AGPAT4: variants seen among roughly 807,000 people sequenced by gnomAD.
AGPAT4 encodes the protein 1-acylglycerol-3-phosphate O-acyltransferase 4, also known as 1-acyl-sn-glycerol-3-phosphate acyltransferase delta.
Under a neutral mutation model 48.0 loss-of-function variants are expected in AGPAT4, and 15 were observed. The ratio of observed to expected loss-of-function variants is 0.31; its 90% CI spans 0.21 to 0.48. The LOEUF is 0.48. Among genes scored for constraint, AGPAT4 ranks in the 20% least tolerant of loss-of-function variants. The pLI, the probability that AGPAT4 is intolerant of heterozygous loss-of-function variation, is 0.99. For missense variants in AGPAT4, 314 were observed against 482.5 expected (o/e 0.65, Z 3.27); for synonymous variants, 178 against 198.7 (o/e 0.90, Z 0.88).
chr6:161,227,961 A>C (rs1782027478), intron 2 of AGPAT4, among the ~76,000 whole-genome samples: 1 of 152,192 alleles, frequency 6.6e-6, no homozygotes, highest in South Asian at 2.1e-4. Context: ...AATCTTGGTC[A>C]ACTCTATTCC....
intron 2 of AGPAT4, among the ~76,000 whole-genome samples, chr6:161,193,522 C>T (rs1399620570): frequency 1.3e-5 from 2 of 152,202 alleles, no homozygotes; most frequent in African/African-American, 4.8e-5. Context: ...TTTTCAGAGA[C>T]TTTTATTATC....
At chr6:161,185,785 C>G (rs1284180450) in intron 2 of AGPAT4, among the ~76,000 whole-genome samples, 1 of 152,192 alleles carries the variant, frequency 6.6e-6, no homozygotes, top group African/African-American at 2.4e-5. Flanking sequence ...TCTTCTCTAG[C>G]AGCAGCCGGA....
rs1366402037 is a variant in AGPAT4, at chr6:161,143,004, A to G, written c.844-3384T>C. 6.6e-6 allele frequency among the ~76,000 whole-genome samples: 1 copy of G among 152,200 alleles called. No individual in the cohort carries two copies. The highest frequency in any genetic ancestry group is 2.4e-5 in the African/African-American group (1 of 41,466). ...CACGGGCCACCATGCCTGCACCCTGAACTCTGCACCCCACCCAGAGCTGCT... is the reference window on the plus strand; with the variant it reads ...CACGGGCCACCATGCCTGCACCCTGGACTCTGCACCCCACCCAGAGCTGCT... On this transcript the variant is annotated intron_variant, in intron 7 of 8. Transcript: ENST00000320285. The surrounding 1 kb of genome is among the most constrained non-coding windows in gnomAD (Gnocchi z 4.7).
At chr6:161,237,852 G>A (rs1239816801) in intron 1 of AGPAT4, among the ~76,000 whole-genome samples, 2 of 152,056 alleles carry the variant, frequency 1.3e-5, no homozygotes, top group Non-Finnish European at 1.5e-5. Flanking sequence ...GGCAGATGAT[G>A]GGCATATGCC....
rs986746606 is a variant in AGPAT4, at chr6:161,219,499, G to C, written c.178+12537C>G. Among the ~76,000 whole-genome samples the C allele has an allele frequency of 6.6e-6, 1 of 151,838 alleles. No individual in the cohort carries two copies. The highest frequency in any genetic ancestry group is 2.1e-4 in the South Asian group (1 of 4,800). On this transcript the variant is annotated intron_variant, in intron 2 of 8. Transcript: ENST00000320285. The surrounding 1 kb of genome is among the most constrained non-coding windows in gnomAD (Gnocchi z 4.9). ...CCACTGCACCATGAAGACCACACAC[G>C]ATCGCCTTATAACCTTACAAGACAC...
chr6:161,162,552 G>A (rs893263482), intron 3 of AGPAT4, among the ~76,000 whole-genome samples: 3 of 152,146 alleles, frequency 2.0e-5, no homozygotes, highest in Non-Finnish European at 2.9e-5. Context: ...AGCCCCTCCC[G>A]AGAGACCCTG....
intron 1 of AGPAT4, among the ~76,000 whole-genome samples, chr6:161,241,483 A>G (rs1782488872): frequency 6.6e-6 from 1 of 152,142 alleles, no homozygotes; most frequent in Non-Finnish European, 1.5e-5. Flanking sequence ...CCACTCTTGC[A>G]TGATAAAAAG....
At chr6:161,239,064 C>G (rs973435223) in intron 1 of AGPAT4, among the ~76,000 whole-genome samples, 1 of 152,160 alleles carries the variant, frequency 6.6e-6, no homozygotes, top group African/African-American at 2.4e-5. Context: ...GACAAACGCT[C>G]TCACTCTAGC....
intron 1 of AGPAT4, among the ~76,000 whole-genome samples, chr6:161,256,302 C>T (rs747612252): frequency 6.6e-5 from 10 of 152,170 alleles, no homozygotes; most frequent in Admixed American, 2.6e-4. Context: ...GAAATCAACC[C>T]CAGGCACGCA....
Position 161,142,248 on chromosome 6 carries a change from C to T in AGPAT4, c.844-2628G>A, listed in dbSNP as rs1170750777. Among the ~76,000 whole-genome samples the T allele has an allele frequency of 6.6e-6, 1 of 152,222 alleles. No homozygotes were observed. Among genetic ancestry groups the T allele is most frequent in the Non-Finnish European group, 1.5e-5 (1 of 68,032 alleles). ...GCCCATGACATTGCCACAGGACCTC[C>T]CACTGACTATCGGGGAGAGAACAGC... On this transcript the variant is annotated intron_variant, in intron 7 of 8. Coordinates refer to ENST00000320285, the MANE Select transcript of AGPAT4 (RefSeq NM_020133.3). This position sits in a 1 kb window ranked among gnomAD's most constrained non-coding sequence, Gnocchi z 6.4.
intron 2 of AGPAT4, among the ~76,000 whole-genome samples, chr6:161,190,934 A>C (rs557972719): frequency 6.6e-6 from 1 of 152,224 alleles, no homozygotes; most frequent in South Asian, 2.1e-4. Context: ...ATATATCCAG[A>C]TGTCCAGAGG....
At position 161,159,897 on chromosome 6, in the gene AGPAT4, G is replaced by A. The variant is rs1433760944; in HGVS notation, c.349-5587C>T. On this transcript the variant is annotated intron_variant, in intron 3 of 8. Transcript: ENST00000320285. The surrounding 1 kb of genome is among the most constrained non-coding windows in gnomAD (Gnocchi z 4.1). ...TGACCTTCAGGTCTCCCAAAGTGCT[G>A]GGATGGGATTACAGGTGTGAGCCAC... 1.3e-5 allele frequency among the ~76,000 whole-genome samples: 2 copies of A among 150,976 alleles called. No individual in the cohort carries two copies. The highest frequency in any genetic ancestry group is 2.1e-4 in the South Asian group (1 of 4,804).
rs1367010026 is a variant in AGPAT4, at chr6:161,272,912, C to T, written c.-90+1026G>A. Among the ~76,000 whole-genome samples the T allele has an allele frequency of 2.6e-5, 4 of 152,190 alleles. No homozygotes were observed. Among genetic ancestry groups the T allele is most frequent in the Non-Finnish European group, 5.9e-5 (4 of 68,046 alleles). On this transcript the variant is annotated intron_variant, in intron 1 of 8. Coordinates refer to ENST00000320285, the MANE Select transcript of AGPAT4 (RefSeq NM_020133.3). This position sits in a 1 kb window ranked among gnomAD's most constrained non-coding sequence, Gnocchi z 4.2. ...TGCACGAAAACGAAAAACGGAGAAT[C>T]CTGCCCGGCAGTTAATTTGTTACTC...
rs1183382017 is a variant in AGPAT4 at position 161,215,828 on chromosome 6, C to T, written c.178+16208G>A. Among the ~76,000 whole-genome samples the T allele has an allele frequency of 6.6e-6, 1 of 152,094 alleles. No individual in the cohort carries two copies. Among genetic ancestry groups the T allele is most frequent in the Non-Finnish European group, 1.5e-5 (1 of 68,024 alleles). ...ATTTCTCCTTTTTAGGTAGATATAC[C>T]CATTATTTTATTCGTAATACAGCAT... On this transcript the variant is annotated intron_variant, in intron 2 of 8. Coordinates refer to ENST00000320285, the MANE Select transcript of AGPAT4 (RefSeq NM_020133.3). The surrounding 1 kb of genome is among the most constrained non-coding windows in gnomAD (Gnocchi z 4.5).
At chr6:161,153,951 A>G (rs1042926976) in intron 4 of AGPAT4, 198 bp downstream of exon 4, 33 of 665,522 alleles carry the variant, frequency 5.0e-5, no homozygotes, top group East Asian at 4.8e-4. Flanking sequence ...ACGGCCCCAC[A>G]GTCATACGTG....
chr6:161,191,135 T>C (rs113219482), intron 2 of AGPAT4, among the ~76,000 whole-genome samples: 1 of 152,190 alleles, frequency 6.6e-6, no homozygotes, highest in African/African-American at 2.4e-5. Context: ...CCACACCTAG[T>C]GACAAATGGT....
chr6:161,170,425 T>A (rs574030163), intron 2 of AGPAT4, among the ~76,000 whole-genome samples: 1 of 151,992 alleles, frequency 6.6e-6, no homozygotes, highest in East Asian at 1.9e-4. Flanking sequence ...GTCTTATAGT[T>A]TTTTCCCCTA....
chr6:161,154,004 A>G lies in AGPAT4; in HGVS notation c.510+145T>C. 1 of 1,061,766 alleles carries G rather than the reference A, an allele frequency of 9.4e-7. No homozygotes were observed. The highest frequency in any genetic ancestry group is 1.4e-6 in the Non-Finnish European group (1 of 721,404). The allele number at this position is 1,061,766 out of a possible 1,614,324, so 65.8% of individuals were successfully genotyped here. On this transcript the variant is annotated intron_variant, in intron 4 of 8. Coordinates refer to ENST00000320285, the MANE Select transcript of AGPAT4 (RefSeq NM_020133.3). This position sits in a 1 kb window ranked among gnomAD's most constrained non-coding sequence, Gnocchi z 7.8. ...GGCCCCATGGTCACATACATCCCTG[A>G]GGTTATACACAGCCCTATGGTCACA...
rs139732317 is a variant in AGPAT4, at chr6:161,149,236, G to C, written c.718C>G (p.Leu240Val). The C allele has an allele frequency of 1.2e-6, 2 of 1,613,390 alleles. No homozygotes were observed. The change falls in exon 6 of 9, where the codon CTG (leucine) becomes GTG (valine). Residue 240 changes from leucine to valine, a missense_variant. Transcript: ENST00000320285. This position sits in a 1 kb window ranked among gnomAD's most constrained non-coding sequence, Gnocchi z 6.5. Reference sequence around the variant, plus strand: ...TTCTTTCCGTTTAGGACTCCCAGCAGTGTTGGATTTTCATTATTTCTGAAA... The same window carrying C: ...TTCTTTCCGTTTAGGACTCCCAGCACTGTTGGATTTTCATTATTTCTGAAA... ...LNFRNNENPTLLGVLNGKKYH... is the reference protein window; with the variant it reads ...LNFRNNENPTVLGVLNGKKYH...
Sources: gnomAD v4.1 joint callset for allele counts (sites outside exome capture counted in the v4.1 genomes callset) on GRCh38, gnomAD v4.1.1 for gene constraint, Gnocchi (gnomAD v3.1) non-coding constraint, MANE v1.5 for transcripts, NCBI Gene and HGNC (gene_info 2026-07-23, HGNC 2026-07-21) for gene names.